The following ZFP82 variants were observed in gnomAD, a reference collection of about 807,000 sequenced individuals.
ZFP82 encodes ZFP82 zinc finger protein, also known as zinc finger protein 82 homolog.
In ZFP82, 30 loss-of-function variants were observed where a neutral mutation model predicts 54.0. The ratio of observed to expected loss-of-function variants is 0.56; its 90% CI spans 0.42 to 0.75. ZFP82 has a LOEUF of 0.75. Ranked by LOEUF, ZFP82 falls within the 30% of genes least tolerant of loss-of-function variation. The pLI is 0.00. For synonymous variants in ZFP82, 194 were observed against 209.5 expected, an observed-to-expected ratio of 0.93 and a Z score of 0.64; for missense variants, 500 against 636.8, an observed-to-expected ratio of 0.79 and a Z score of 2.31.
intron 4 of ZFP82, among the ~76,000 whole-genome samples, chr19:36,400,760 T>C (rs2032369828): frequency 6.6e-6 from 1 of 152,196 alleles, no homozygotes; most frequent in East Asian, 1.9e-4. Context: ...TGTCATAAAA[T>C]ACACTGCTTT....
chr19:36,401,095 C>A (rs1267710628), intron 4 of ZFP82, among the ~76,000 whole-genome samples: 1 of 148,918 alleles, frequency 6.7e-6, no homozygotes, highest in Non-Finnish European at 1.5e-5. Flanking sequence ...AGTGGCTGCT[C>A]CTTCTTTATC....
At position 36,407,955 on chromosome 19, in the gene ZFP82, A is replaced by G. The variant is rs2032512700; in HGVS notation, c.68T>C (p.Leu23Pro). Residue 23 changes from leucine to proline, a missense_variant, in exon 3 of 5, where the codon CTG becomes CCG. Physicochemically the swap from Leu to Pro is moderately conservative, Grantham distance 98. Transcript: ENST00000392161. ...IDFSPEEWEY[L>P]DLEQKDLYRD... ...GTACAAGTCCTTTTGTTCCAAGTCCAGGTATTCCCACTCTTCTGGAGAGAA... is the reference window on the plus strand; with the variant it reads ...GTACAAGTCCTTTTGTTCCAAGTCCGGGTATTCCCACTCTTCTGGAGAGAA... 6.2e-7 allele frequency: 1 copy of G among 1,614,170 alleles called. No individual in the cohort carries two copies. Among genetic ancestry groups the G allele is most frequent in the African/African-American group, 1.3e-5 (1 of 75,070 alleles).
intron 4 of ZFP82, chr19:36,395,570 A>G (rs952234259): frequency 1.3e-4 from 20 of 152,336 alleles, no homozygotes; most frequent in African/African-American, 4.3e-4. Flanking sequence ...GTCACGTTAC[A>G]TGTAGGCCAG....
At chr19:36,405,067 C>T (rs1408275902) in intron 4 of ZFP82, among the ~76,000 whole-genome samples, 4 of 151,830 alleles carry the variant, frequency 2.6e-5, no homozygotes, top group African/African-American at 9.7e-5. Context: ...GCCCGTAAAC[C>T]CAGCTACTCA....
intron 1 of ZFP82, among the ~76,000 whole-genome samples, chr19:36,417,859 G>A (rs2032699572): frequency 1.3e-5 from 2 of 152,158 alleles, no homozygotes. Context: ...TGGTGTGGGA[G>A]TCCCTTCCAG....
chr19:36,388,445 T>C (rs2032140705), downstream of ZFP82, among the ~76,000 whole-genome samples: 1 of 152,130 alleles, frequency 6.6e-6, no homozygotes, highest in Admixed American at 6.5e-5. Context: ...CTGTACATAT[T>C]TTCCCCTTTA....
rs547092066 is a variant in ZFP82 at position 36,390,160 on chromosome 19, C to T, written c.*2581G>A. Among the ~76,000 whole-genome samples the T allele has an allele frequency of 6.6e-6, 1 of 152,134 alleles. No individual in the cohort carries two copies. The highest frequency in any genetic ancestry group is 1.5e-5 in the Non-Finnish European group (1 of 68,008). On this transcript the variant is annotated 3_prime_UTR_variant, in exon 5 of 5. Transcript: ENST00000392161. The stretch of plus-strand genomic sequence containing the variant: ...CCATGCCTCCCGTTTGTGGGATCTG[C>T]GTATAAACTTCTTCCTTCATGACAA...
chr19:36,389,681 G>A lies in ZFP82; in HGVS notation c.*3060C>T, dbSNP rs371743425. Among the ~76,000 whole-genome samples, 1 of 152,172 alleles carries A rather than the reference G, an allele frequency of 6.6e-6. No homozygotes were observed. Among genetic ancestry groups the A allele is most frequent in the East Asian group, 1.9e-4 (1 of 5,196 alleles). On this transcript the variant is annotated 3_prime_UTR_variant, in exon 5 of 5. Coordinates refer to ENST00000392161, the MANE Select transcript of ZFP82 (RefSeq NM_133466.4). ...ATCCATGTTTACATTTGTACAATAT[G>A]TAGAGACATTTTATTCCTTCAAATC...
chr19:36,398,168 A>C (rs1460410038), intron 4 of ZFP82, among the ~76,000 whole-genome samples: 1 of 152,182 alleles, frequency 6.6e-6, no homozygotes, highest in East Asian at 1.9e-4. Context: ...CTACACACCA[A>C]TATTCTGAAC....
At chr19:36,409,160 A>T (rs73608355) in intron 2 of ZFP82, among the ~76,000 whole-genome samples, 4,112 of 152,276 alleles carry the variant, frequency 0.027, 170 homozygotes, top group African/African-American at 0.094. Context: ...AGATCTCTCT[A>T]TAAGACCTAG....
In ZFP82 at chr19:36,407,783, G is replaced by A; in HGVS notation, c.136+104C>T. On this transcript the variant is annotated intron_variant, in intron 3 of 4. Coordinates refer to ENST00000392161, the MANE Select transcript of ZFP82 (RefSeq NM_133466.4). ...CAAAGTGTTCCCTTTAGAAAGTGGA[G>A]CAAAAATTTAGATAGCTTCCTAAAA... 2.2e-5 allele frequency: 29 copies of A among 1,321,076 alleles called. No homozygotes were observed. The South Asian group carries it at 4.2e-4, about 19-fold the overall frequency. 81.8% of individuals were successfully genotyped at this position (1,321,076 alleles called of 1,614,324 possible).
intron 4 of ZFP82, among the ~76,000 whole-genome samples, chr19:36,405,061 G>A (rs938413172): frequency 1.2e-4 from 18 of 151,926 alleles, no homozygotes; most frequent in African/African-American, 4.1e-4. Flanking sequence ...GCACACGCCC[G>A]TAAACCCAGC....
Position 36,393,063 on chromosome 19 carries a change from T to C in ZFP82, c.1277A>G (p.Glu426Gly). 4 of 1,614,184 alleles carry C rather than the reference T, an allele frequency of 2.5e-6. No homozygotes were observed. Among genetic ancestry groups the C allele is most frequent in the Non-Finnish European group, 3.4e-6 (4 of 1,180,016 alleles). Residue 426 changes from glutamate to glycine, a missense_variant, in exon 5 of 5, where the codon GAA (glutamate) becomes GGA (glycine). Transcript: ENST00000392161. ...AAGTAGTCTGAAGGCCTTCCCGCATTCCTTACAGTCATAGGGCTTAACACC... is the reference window on the plus strand; with the variant it reads ...AAGTAGTCTGAAGGCCTTCCCGCATCCCTTACAGTCATAGGGCTTAACACC... ...HIGVKPYDCK[E>G]CGKAFRLLSQ...
At chr19:36,405,716 T>C in intron 3 of ZFP82, 44 bp from the exon 4 acceptor site, 1 of 1,423,880 alleles carries the variant, frequency 7.0e-7, no homozygotes, top group Non-Finnish European at 9.6e-7. Flanking sequence ...AAATAAAAAA[T>C]AAATCAAAAT....
chr19:36,385,174 G>T (rs555521059), downstream of ZFP82, among the ~76,000 whole-genome samples: 3 of 152,222 alleles, frequency 2.0e-5, no homozygotes, highest in South Asian at 6.2e-4. Context: ...GAATGGGTTT[G>T]TTATCACGTG....
chr19:36,408,074 G>T, intron 2 of ZFP82, 61 bp from the exon 3 acceptor site: 3 of 1,571,564 alleles, frequency 1.9e-6, no homozygotes, highest in Non-Finnish European at 1.7e-6. Flanking sequence ...AAGGTAGAAG[G>T]AGAAAAGAAG....
At chr19:36,417,463 T>G (rs2032692211) in intron 1 of ZFP82, among the ~76,000 whole-genome samples, 1 of 152,120 alleles carries the variant, frequency 6.6e-6, no homozygotes, top group South Asian at 2.1e-4. Context: ...GAAATAAGAA[T>G]GCATTTCACA....
chr19:36,383,624 T>C (rs2032084199), exon 2 of ZFP82: 1 of 151,884 alleles, frequency 6.6e-6, no homozygotes, highest in South Asian at 2.1e-4. Flanking sequence ...AAAACAAAAT[T>C]ATATCTATTT....
intron 3 of ZFP82, among the ~76,000 whole-genome samples, chr19:36,406,965 C>T (rs1471887858): frequency 3.3e-5 from 5 of 151,970 alleles, no homozygotes; most frequent in African/African-American, 9.6e-5. Context: ...ATTAAAAATA[C>T]TCTCTTGTAG....
Sources: gnomAD v4.1 joint callset for allele counts (sites outside exome capture counted in the v4.1 genomes callset) on GRCh38, gnomAD v4.1.1 for gene constraint, MANE v1.5 for transcripts, NCBI Gene and HGNC (gene_info 2026-07-23, HGNC 2026-07-21) for gene names.